The following IRAG2 variants were observed in gnomAD, a reference collection of about 807,000 sequenced individuals.
IRAG2 encodes the protein lymphoid restricted membrane protein.
In IRAG2, 45 loss-of-function variants were observed where a neutral mutation model predicts 69.9. That is an observed-to-expected ratio of 0.64 (90% CI 0.51 to 0.83). The LOEUF (loss-of-function observed/expected upper bound fraction) is 0.83, where lower values mean the gene tolerates loss of function less well. Among genes scored for constraint, IRAG2 ranks in the 40% least tolerant of loss-of-function variants. The pLI is 0.00. For synonymous variants in IRAG2, 193 were observed against 202.4 expected (o/e 0.95, Z 0.40); for missense variants, 520 against 587.0 (o/e 0.89, Z 1.18).
At chr12:25,100,142 A>G (rs1002889895) in intron 15 of IRAG2, among the ~76,000 whole-genome samples, 9 of 152,164 alleles carry the variant, frequency 5.9e-5, no homozygotes, top group African/African-American at 2.2e-4. Context: ...CAAAACCACA[A>G]TGAGATACCA....
rs1198226510 is a variant in IRAG2, at chr12:25,063,822, C to T, written c.-207+6C>T. 22 of 398,774 alleles carry T rather than the reference C, an allele frequency of 5.5e-5. No individual in the cohort carries two copies. The East Asian group carries it at 5.7e-4, about 10-fold the overall frequency. The allele number at this position is 398,774 out of a possible 1,614,324, so 24.7% of individuals were successfully genotyped here. On this transcript the variant is annotated splice_donor_region_variant and intron_variant, in intron 4 of 21. Coordinates refer to ENST00000556887, the MANE Select transcript of IRAG2 (RefSeq NM_001366544.2). Reference sequence around the variant, plus strand: ...CTGGTACACACCTCTGCTGGGTAAGCCCCCCTTCTATACCTGCTCAGACAC... The same window carrying T: ...CTGGTACACACCTCTGCTGGGTAAGTCCCCCTTCTATACCTGCTCAGACAC...
chr12:25,095,806 C>T (rs1467698640), intron 14 of IRAG2, among the ~76,000 whole-genome samples: 10 of 152,160 alleles, frequency 6.6e-5, no homozygotes. Flanking sequence ...ATTCAATCTT[C>T]TTACTAGTTA....
At chr12:25,106,298 C>T (rs1287995928) in intron 20 of IRAG2, among the ~76,000 whole-genome samples, 2 of 149,342 alleles carry the variant, frequency 1.3e-5, no homozygotes, top group African/African-American at 4.9e-5. Flanking sequence ...CACGCACACA[C>T]AGGTATATGT....
At chr12:25,015,394 G>A (rs1006102268) in exon 5 of IRAG2, 14 of 1,231,802 alleles carry the variant, frequency 1.1e-5, no homozygotes, top group Non-Finnish European at 1.4e-5. Flanking sequence ...GGGGAGCTTC[G>A]AGGCTTTGGG....
chr12:25,032,264 C>T, intron 11 of IRAG2: 1 of 399,030 alleles, frequency 2.5e-6, no homozygotes, highest in Non-Finnish European at 4.4e-6. Flanking sequence ...AAATTCCCCA[C>T]TAGAGTAACA....
In IRAG2 at chr12:25,098,751, C is replaced by G. The variant is rs557834852; in HGVS notation, c.741+1707C>G. 7.9e-5 allele frequency among the ~76,000 whole-genome samples: 12 copies of G among 152,322 alleles called. No individual in the cohort carries two copies. The South Asian group carries it at 1.0e-3, about 13-fold the overall frequency. On this transcript the variant is annotated intron_variant, in intron 15 of 21. Transcript: ENST00000556887. ...CACCCTGTTTCTCTGCTCCCATTTA[C>G]AGCAAACCTCGACAGAATGGTACTC... is the stretch of plus-strand genomic sequence containing the variant.
chr12:25,077,215 T>TAC (rs1407333488), intron 6 of IRAG2, among the ~76,000 whole-genome samples: 1 of 106,642 alleles, frequency 9.4e-6, no homozygotes, highest in East Asian at 2.5e-4. Flanking sequence ...ATATGATATA[T>TAC]ATGAAATATA....
chr12:25,028,885 C>G (rs984352543), intron 9 of IRAG2, among the ~76,000 whole-genome samples: 3 of 152,120 alleles, frequency 2.0e-5, no homozygotes, highest in Non-Finnish European at 4.4e-5. Context: ...TAAAAATTAA[C>G]TAACAAATAA....
upstream of IRAG2, chr12:25,052,610 G>A (rs1457977255): frequency 2.5e-6 from 1 of 397,294 alleles, no homozygotes; most frequent in Non-Finnish European, 4.4e-6. Flanking sequence ...TTTAACCGCT[G>A]TAGAAATAGC....
chr12:25,087,180 T>TTTTTTTTTTTGTTG (rs1450270058), intron 10 of IRAG2, among the ~76,000 whole-genome samples: 11 of 125,170 alleles, frequency 8.8e-5, no homozygotes, highest in African/African-American at 3.4e-4. Context: ...TTTTTTTTTT[T>TTTTTTTTTTTGTTG]TTGTTGAGAC....
intron 9 of IRAG2, among the ~76,000 whole-genome samples, chr12:25,027,646 G>A (rs541343573): frequency 3.3e-5 from 5 of 152,018 alleles, no homozygotes; most frequent in East Asian, 3.9e-4. Flanking sequence ...TGCCCACCTC[G>A]GCCTCCCAAA....
At position 25,090,130 on chromosome 12, in the gene IRAG2, A is replaced by G; in HGVS notation, c.539A>G (p.Glu180Gly). Reference sequence around the variant, plus strand: ...TTGGAGAAGAGAGTGAAGCTTGAAGAGAGGTCCCGTGACTTGGCAGAAGAA... The same window carrying G: ...TTGGAGAAGAGAGTGAAGCTTGAAGGGAGGTCCCGTGACTTGGCAGAAGAA... ...FTLEKRVKLE[E>G]RSRDLAEENL... Residue 180 changes from glutamate to glycine, a missense_variant, in exon 14 of 22, where the codon GAG becomes GGG. Coordinates refer to ENST00000556887, the MANE Select transcript of IRAG2 (RefSeq NM_001366544.2). 6.2e-7 allele frequency: 1 copy of G among 1,613,822 alleles called. No individual in the cohort carries two copies.
intron 7 of IRAG2, among the ~76,000 whole-genome samples, chr12:25,021,674 C>G (rs78165472): frequency 6.6e-6 from 1 of 152,154 alleles, no homozygotes; most frequent in African/African-American, 2.4e-5. Flanking sequence ...CAGCAGTACT[C>G]TAGTATCATT....
chr12:25,035,899 C>T (rs187640650), intron 14 of IRAG2: 1 of 397,250 alleles, frequency 2.5e-6, no homozygotes, highest in African/African-American at 2.1e-5. Context: ...GCTGCTGAGA[C>T]CCAAATTAAT....
chr12:25,098,813 A>G (rs2140223602), intron 15 of IRAG2, among the ~76,000 whole-genome samples: 1 of 152,048 alleles, frequency 6.6e-6, no homozygotes, highest in East Asian at 1.9e-4. Flanking sequence ...GTTCTCTCCA[A>G]CCCACTCTGT....
intron 6 of IRAG2, among the ~76,000 whole-genome samples, chr12:25,018,645 AT>A (rs1412735970): frequency 6.6e-6 from 1 of 152,268 alleles, no homozygotes; most frequent in Non-Finnish European, 1.5e-5. Context: ...TAACTGAAAT[AT>A]AAAAATTCAA....
intron 13 of IRAG2, chr12:25,034,021 T>C (rs1944688108): frequency 2.5e-6 from 1 of 397,548 alleles, no homozygotes; most frequent in Non-Finnish European, 4.4e-6. Context: ...TTAATGAAGG[T>C]TCACAGCTTG....
At chr12:25,007,996 A>T (rs1176702341) in intron 2 of IRAG2, among the ~76,000 whole-genome samples, 1 of 152,148 alleles carries the variant, frequency 6.6e-6, no homozygotes, top group East Asian at 1.9e-4. Context: ...GGTTGGTACA[A>T]ATGTGACTGC....
chr12:25,079,470 G>C lies in IRAG2; in HGVS notation c.136+8G>C. 1 of 1,608,062 alleles carries C rather than the reference G, an allele frequency of 6.2e-7. No homozygotes were observed. The highest frequency in any genetic ancestry group is 1.1e-5 in the South Asian group (1 of 90,978). On this transcript the variant is annotated splice_region_variant and intron_variant, in intron 8 of 21. Transcript: ENST00000556887. ...GTACTATAACTTCAAGTGGTAAGTGGATTTGGAAATAATATTAAAATAGAC... is the reference window on the plus strand; with the variant it reads ...GTACTATAACTTCAAGTGGTAAGTGCATTTGGAAATAATATTAAAATAGAC...
Sources: allele counts gnomAD v4.1 joint callset (sites outside exome capture counted in the v4.1 genomes callset), GRCh38; gene constraint gnomAD v4.1.1; transcripts MANE v1.5; gene names NCBI Gene and HGNC (gene_info 2026-07-23, HGNC 2026-07-21).